Variants in HLCS observed in about 807,000 individuals in gnomAD.
HLCS encodes biotin--protein ligase.
In HLCS, 53 loss-of-function variants were observed where a neutral mutation model predicts 75.0. The observed-to-expected ratio is 0.71, with a 90% CI of 0.57 to 0.89. The LOEUF (loss-of-function observed/expected upper bound fraction) is 0.89. Ranked by LOEUF, HLCS falls within the 40% of genes least tolerant of loss-of-function variation. The pLI is 0.00. For missense variants in HLCS, 966 were observed against 1,074.0 expected (o/e 0.90, Z 1.41); for synonymous variants, 431 against 428.6 (o/e 1.01, Z -0.07).
intron 2 of HLCS, among the ~76,000 whole-genome samples, chr21:36,959,909 T>C (rs902325191): frequency 1.3e-5 from 2 of 152,150 alleles, no homozygotes; most frequent in Non-Finnish European, 2.9e-5. Flanking sequence ...ACTCACTACA[T>C]TGCAGGCAAC....
intron 2 of HLCS, chr21:36,943,713 G>C (rs2067252484): frequency 6.6e-6 from 1 of 152,248 alleles, no homozygotes; most frequent in Non-Finnish European, 1.5e-5. Context: ...CCGCTACTCA[G>C]GAGGCTGAGG....
chr21:36,927,207 G>A (rs755794269), intron 5 of HLCS, among the ~76,000 whole-genome samples: 5 of 152,222 alleles, frequency 3.3e-5, no homozygotes, highest in Non-Finnish European at 2.9e-5. Flanking sequence ...CAGCTCAGCC[G>A]CCCACAGCCT....
rs1214715225 is a variant in HLCS, at chr21:36,750,157, T to C, written c.*4089A>G. Reference sequence around the variant, plus strand: ...ACATTTAAGCTGGGGATAGCGTTTCTTGACTTCTGTGAGGCTCCGGCAGGG... The same window carrying C: ...ACATTTAAGCTGGGGATAGCGTTTCCTGACTTCTGTGAGGCTCCGGCAGGG... On this transcript the variant is annotated 3_prime_UTR_variant, in exon 11 of 11. Transcript: ENST00000674895. 2.0e-5 allele frequency among the ~76,000 whole-genome samples: 3 copies of C among 152,228 alleles called. No individual in the cohort carries two copies. The highest frequency in any genetic ancestry group is 4.4e-5 in the Non-Finnish European group (3 of 68,032).
intron 6 of HLCS, among the ~76,000 whole-genome samples, chr21:36,858,166 C>T (rs1011673254): frequency 6.6e-6 from 1 of 152,164 alleles, no homozygotes; most frequent in African/African-American, 2.4e-5. Flanking sequence ...TAAAAAATTT[C>T]TTTCACTGCC....
At chr21:36,880,074 C>CT (rs2064144691) in intron 6 of HLCS, among the ~76,000 whole-genome samples, 1 of 152,164 alleles carries the variant, frequency 6.6e-6, no homozygotes, top group African/African-American at 2.4e-5. Context: ...ATTTGTTTGT[C>CT]TGATTTAAGG....
At chr21:36,849,863 A>G (rs1380228738) in intron 6 of HLCS, among the ~76,000 whole-genome samples, 2 of 152,202 alleles carry the variant, frequency 1.3e-5, no homozygotes, top group African/African-American at 4.8e-5. Flanking sequence ...CTTCCGGCAG[A>G]TATTAAAAGA....
chr21:36,862,945 CTT>C (rs779603490), intron 6 of HLCS, among the ~76,000 whole-genome samples: 39 of 139,916 alleles, frequency 2.8e-4, no homozygotes, highest in Admixed American at 3.6e-4. Flanking sequence ...CTCTTTCTCT[CTT>C]TTTTTTTTTT....
chr21:36,917,025 C>A (rs2065963127), intron 5 of HLCS, among the ~76,000 whole-genome samples: 2 of 152,134 alleles, frequency 1.3e-5, no homozygotes, highest in South Asian at 4.1e-4. Flanking sequence ...AAAAGGTTCA[C>A]CAGTGGTAAA....
At chr21:36,765,669 T>C (rs2090006235) in intron 7 of HLCS, among the ~76,000 whole-genome samples, 1 of 152,198 alleles carries the variant, frequency 6.6e-6, no homozygotes, top group Non-Finnish European at 1.5e-5. Flanking sequence ...TTTTTTAAGA[T>C]GGAGTCTCAC....
In HLCS at chr21:36,807,522, C is replaced by T. The variant is rs572164571; in HGVS notation, c.1893-40237G>A. On this transcript the variant is annotated intron_variant, in intron 6 of 10. Transcript: ENST00000674895. ...AAGGGGCCCACTGTTAATAACTCAT[C>T]CTTTCTGATGATCCGCCCACTGCCT... Among the ~76,000 whole-genome samples the T allele has an allele frequency of 2.0e-5, 3 of 152,294 alleles. No homozygotes were observed. In the South Asian group the frequency reaches 6.2e-4, roughly 32 times the overall value.
chr21:36,756,645 G>A lies in HLCS; in HGVS notation c.2347C>T (p.Leu783Phe). ...AGCACAGTCACGACTCTGGCGATGA[G>A]ATAATCGGCTCTTAAGGGCTTCAGT... The part of the protein sequence containing the change: ...AELKPLRADY[L>F]IARVVTVLEK... Residue 783 changes from leucine (L) to phenylalanine (F), a missense_variant, in exon 10 of 11, where the codon CTC becomes TTC. Transcript: ENST00000674895. 1 of 1,614,120 alleles carries A rather than the reference G, an allele frequency of 6.2e-7. No homozygotes were observed. Among genetic ancestry groups the A allele is most frequent in the Non-Finnish European group, 8.5e-7 (1 of 1,180,030 alleles).
rs188946395 is a variant in HLCS, at chr21:36,886,027, A to C, written c.1892+10833T>G. ...CCACGGGCTGATATGCAATTTCTGCAAATACTTTCTACCCCAGCTTTTCTA... is the reference window on the plus strand; with the variant it reads ...CCACGGGCTGATATGCAATTTCTGCCAATACTTTCTACCCCAGCTTTTCTA... On this transcript the variant is annotated intron_variant, in intron 6 of 10. Transcript: ENST00000674895. 2.8e-4 allele frequency among the ~76,000 whole-genome samples: 42 copies of C among 152,238 alleles called. No individual in the cohort carries two copies. In the East Asian group the frequency reaches 6.8e-3, roughly 24 times the overall value.
intron 5 of HLCS, among the ~76,000 whole-genome samples, chr21:36,902,707 C>T: frequency 6.6e-6 from 1 of 152,154 alleles, no homozygotes; most frequent in East Asian, 1.9e-4. Context: ...AACATGACAA[C>T]AGGGAGAATG....
chr21:36,850,203 T>A (rs1157895139), intron 6 of HLCS, among the ~76,000 whole-genome samples: 1 of 152,122 alleles, frequency 6.6e-6, no homozygotes, highest in Non-Finnish European at 1.5e-5. Context: ...TAAAAGTGAG[T>A]CAGACTTGGA....
At chr21:36,845,038 G>A (rs1601486395) in intron 6 of HLCS, among the ~76,000 whole-genome samples, 2 of 152,200 alleles carry the variant, frequency 1.3e-5, no homozygotes, top group Admixed American at 1.3e-4. Context: ...AGCTTACATG[G>A]ACTTGATTTT....
intron 5 of HLCS, among the ~76,000 whole-genome samples, chr21:36,900,515 C>T (rs1364223988): frequency 6.6e-6 from 1 of 152,098 alleles, no homozygotes; most frequent in Non-Finnish European, 1.5e-5. Context: ...TCAAAGGCCA[C>T]AGTAAGGACG....
chr21:36,831,655 C>T (rs918453223), intron 6 of HLCS, among the ~76,000 whole-genome samples: 7 of 152,122 alleles, frequency 4.6e-5, no homozygotes, highest in Non-Finnish European at 8.8e-5. Context: ...TGCACTTCAG[C>T]CTGGGCAACA....
At chr21:36,762,103 C>T (rs1266391106) in intron 8 of HLCS, among the ~76,000 whole-genome samples, 2 of 152,190 alleles carry the variant, frequency 1.3e-5, no homozygotes, top group Non-Finnish European at 2.9e-5. Context: ...GTGATCCTCC[C>T]ACATAAAAAA....
chr21:36,979,141 G>A (rs967431951), intron 1 of HLCS, among the ~76,000 whole-genome samples: 2 of 151,844 alleles, frequency 1.3e-5, no homozygotes, highest in South Asian at 2.1e-4. Flanking sequence ...GCATGATGGC[G>A]GGCGCCTGTA....
Sources: gnomAD v4.1 joint callset for allele counts (sites outside exome capture counted in the v4.1 genomes callset) on GRCh38, gnomAD v4.1.1 for gene constraint, MANE v1.5 for transcripts, NCBI Gene and HGNC (gene_info 2026-07-23, HGNC 2026-07-21) for gene names.